TOMM34: variants seen among roughly 807,000 people sequenced by gnomAD.
TOMM34 encodes the protein translocase of outer mitochondrial membrane 34.
In TOMM34, 24 loss-of-function variants were observed where a neutral mutation model predicts 37.4. That is an observed-to-expected ratio of 0.64 (90% CI 0.46 to 0.90). The LOEUF (loss-of-function observed/expected upper bound fraction) is 0.90, where lower values mean the gene tolerates loss of function less well. Among genes scored for constraint, TOMM34 ranks in the 40% least tolerant of loss-of-function variants. TOMM34 has a pLI of 0.00. For synonymous variants in TOMM34, 154 were observed against 148.9 expected (o/e 1.03, Z -0.25); for missense variants, 304 against 375.6 (o/e 0.81, Z 1.58).
At chr20:44,955,279 C>T in intron 2 of TOMM34, 59 bp from the exon 3 acceptor site, 1 of 1,587,974 alleles carries the variant, frequency 6.3e-7, no homozygotes, top group Non-Finnish European at 8.6e-7. Context: ...GGTTTCCCTA[C>T]AGTTTCTTCC....
intron 3 of TOMM34, chr20:44,952,644 T>G (rs1249916829): frequency 5.6e-5 from 40 of 717,412 alleles, no homozygotes; most frequent in Non-Finnish European, 6.0e-5. Context: ...ATTCTTTAGA[T>G]TTCAGCTTAA....
chr20:44,944,543 A>G (rs1355121656), intron 5 of TOMM34, among the ~76,000 whole-genome samples: 1 of 152,232 alleles, frequency 6.6e-6, no homozygotes, highest in Admixed American at 6.5e-5. Flanking sequence ...CTGTATCCAA[A>G]GATACATGCA....
intron 1 of TOMM34, chr20:44,958,252 C>T: frequency 2.3e-6 from 1 of 428,552 alleles, no homozygotes; most frequent in East Asian, 7.2e-5. Context: ...ACTTTTTTCA[C>T]TCAGTATCCT....
chr20:44,951,784 A>G (rs763773105), intron 4 of TOMM34, 49 bp downstream of exon 4: 1 of 1,568,808 alleles, frequency 6.4e-7, no homozygotes, highest in South Asian at 1.2e-5. Flanking sequence ...CTCTAAAGAA[A>G]ATGGATAGTG....
At chr20:44,955,754 C>T (rs942756445) in intron 2 of TOMM34, 2 of 410,748 alleles carry the variant, frequency 4.9e-6, no homozygotes, top group Non-Finnish European at 9.8e-6. Context: ...ATTAATTCAG[C>T]ACAGGCTCTG....
At chr20:44,950,165 G>C (rs2067014235) in intron 4 of TOMM34, among the ~76,000 whole-genome samples, 1 of 152,292 alleles carries the variant, frequency 6.6e-6, no homozygotes, top group East Asian at 1.9e-4. Flanking sequence ...CTGGCACCCT[G>C]CAACACACCA....
chr20:44,942,879 T>A lies in TOMM34; in HGVS notation c.*230A>T. 1 of 585,414 alleles carries A rather than the reference T, an allele frequency of 1.7e-6. No individual in the cohort carries two copies. The highest frequency in any genetic ancestry group is 3.1e-6 in the Non-Finnish European group (1 of 327,788). 36.3% of individuals were successfully genotyped at this position (585,414 alleles called of 1,614,324 possible). A position where few individuals can be genotyped will look rare whatever the true frequency, so the allele number is the denominator to read the frequency against. ...AGGGACAGAGCTTCAGCTTCACGCT[T>A]AGCTCTAGTGGGGACCTTTCTGGTG... On this transcript the variant is annotated 3_prime_UTR_variant, in exon 7 of 7. Transcript: ENST00000372813.
intron 1 of TOMM34, 152 bp from the exon 2 acceptor site, chr20:44,956,637 G>A (rs372870505): frequency 9.9e-5 from 66 of 664,558 alleles, no homozygotes; most frequent in East Asian, 4.9e-4. Flanking sequence ...CTGGGCTGGC[G>A]TGTTTGTCAT....
chr20:44,945,320 A>C (rs1175292783), intron 5 of TOMM34, among the ~76,000 whole-genome samples: 1 of 152,168 alleles, frequency 6.6e-6, no homozygotes, highest in East Asian at 1.9e-4. Flanking sequence ...GACAGGCACA[A>C]ATTCTTTGGC....
intron 4 of TOMM34, among the ~76,000 whole-genome samples, chr20:44,950,618 A>G (rs1427203945): frequency 6.6e-6 from 1 of 152,250 alleles, no homozygotes; most frequent in Non-Finnish European, 1.5e-5. Flanking sequence ...TGATTGAAAG[A>G]ATGAAATCAA....
chr20:44,953,600 T>C (rs912054142), intron 3 of TOMM34, among the ~76,000 whole-genome samples: 2 of 152,228 alleles, frequency 1.3e-5, no homozygotes, highest in African/African-American at 2.4e-5. Flanking sequence ...CTTTGTTCCA[T>C]GTAAATACCC....
rs937051791 is a variant in TOMM34 at position 44,959,910 on chromosome 20, A to G, written c.127+297T>C. The G allele has an allele frequency of 5.2e-5, 51 of 984,618 alleles. No homozygotes were observed. The South Asian group carries it at 1.6e-3, about 30-fold the overall frequency. The allele number at this position is 984,618 out of a possible 1,614,324, so 61.0% of individuals were successfully genotyped here. A position where few individuals can be genotyped will look rare whatever the true frequency, so the allele number is the denominator to read the frequency against. Reference sequence around the variant, plus strand: ...TTGTGTCTTGTTACACAGGCGGTATATAACAGCTACTCAACAAATACTAAC... The same window carrying G: ...TTGTGTCTTGTTACACAGGCGGTATGTAACAGCTACTCAACAAATACTAAC... On this transcript the variant is annotated intron_variant, in intron 1 of 6. Coordinates refer to ENST00000372813, the MANE Select transcript of TOMM34 (RefSeq NM_006809.5).
chr20:44,956,969 C>T (rs1356327658), intron 1 of TOMM34, among the ~76,000 whole-genome samples: 1 of 151,920 alleles, frequency 6.6e-6, no homozygotes, highest in African/African-American at 2.4e-5. Flanking sequence ...GCACAAAACA[C>T]CCATGAAAGA....
At chr20:44,959,150 C>A (rs936881501) in intron 1 of TOMM34, 1 of 152,020 alleles carries the variant, frequency 6.6e-6, no homozygotes, top group African/African-American at 2.4e-5. Flanking sequence ...CAAAGGAGAT[C>A]GTGTCTAAAA....
Position 44,955,537 on chromosome 20 carries a change from G to A in TOMM34, c.228-317C>T, listed in dbSNP as rs995766871. On this transcript the variant is annotated intron_variant, in intron 2 of 6. Coordinates refer to ENST00000372813, the MANE Select transcript of TOMM34 (RefSeq NM_006809.5). ...TGCTACTATGTTTTTTTACAGTTGT[G>A]GTCTAGTGGGAATAACAAACAAGCT... The A allele has an allele frequency of 2.1e-5, 10 of 487,644 alleles. No homozygotes were observed. In the Admixed American group the frequency reaches 2.3e-4, roughly 11 times the overall value. The allele number at this position is 487,644 out of a possible 1,614,324, so 30.2% of individuals were successfully genotyped here.
chr20:44,953,025 G>A (rs1385892677), intron 3 of TOMM34, among the ~76,000 whole-genome samples: 1 of 152,058 alleles, frequency 6.6e-6, no homozygotes, highest in East Asian at 1.9e-4. Flanking sequence ...CAACAGAAGA[G>A]ACAATGGGAC....
intron 1 of TOMM34, among the ~76,000 whole-genome samples, chr20:44,959,366 C>T (rs1188845240): frequency 6.6e-6 from 1 of 152,136 alleles, no homozygotes; most frequent in African/African-American, 2.4e-5. Flanking sequence ...GGTATGCTGA[C>T]GAAAGCTGGA....
chr20:44,942,490 A>ACAACCATTCAAGGGTCAGGGC lies in TOMM34; in HGVS notation c.*598_*618dup, dbSNP rs2066943631. The ACAACCATTCAAGGGTCAGGGC allele has an allele frequency of 6.5e-6, 1 of 153,494 alleles. No individual in the cohort carries two copies. The highest frequency in any genetic ancestry group is 1.5e-5 in the Non-Finnish European group (1 of 68,748). 9.5% of individuals were successfully genotyped at this position (153,494 alleles called of 1,614,324 possible). A position where few individuals can be genotyped will look rare whatever the true frequency, so the allele number is the denominator to read the frequency against. ...AGAAGGCAGCAGCACAGAGTCAAGG[A>ACAACCATTCAAGGGTCAGGGC]CAACCATTCAAGGGTCAGGGCTCTG... On this transcript the variant is annotated 3_prime_UTR_variant, in exon 7 of 7. Coordinates refer to ENST00000372813, the MANE Select transcript of TOMM34 (RefSeq NM_006809.5).
intron 6 of TOMM34, 26 bp from the exon 7 acceptor site, chr20:44,943,239 G>A (rs1251146651): frequency 1.2e-6 from 2 of 1,612,976 alleles, no homozygotes; most frequent in Middle Eastern, 1.6e-4. Flanking sequence ...ACAGGAGTGT[G>A]GGGGAAGGTT....
Sources: allele counts gnomAD v4.1 joint callset (sites outside exome capture counted in the v4.1 genomes callset), GRCh38; gene constraint gnomAD v4.1.1; transcripts MANE v1.5; gene names NCBI Gene and HGNC (gene_info 2026-07-23, HGNC 2026-07-21).